The following MBNL1 variants were observed in gnomAD, a reference collection of about 807,000 sequenced individuals.
MBNL1 encodes muscleblind-like protein 1.
In MBNL1, 8 loss-of-function variants were observed where a neutral mutation model predicts 42.2. The ratio of observed to expected loss-of-function variants is 0.19; its 90% CI spans 0.11 to 0.34. The LOEUF is 0.34. Among genes scored for constraint, MBNL1 ranks in the 10% least tolerant of loss-of-function variants. The probability of loss-of-function intolerance (pLI) is 1.00; values close to 1 mark genes in which losing one functional copy is unlikely to be tolerated. For missense variants in MBNL1, 309 were observed against 495.3 expected (o/e 0.62, Z 3.57); for synonymous variants, 169 against 173.9 (o/e 0.97, Z 0.22).
At chr3:152,356,968 C>T (rs541960663) in intron 2 of MBNL1, among the ~76,000 whole-genome samples, 1 of 151,548 alleles carries the variant, frequency 6.6e-6, no homozygotes, top group Non-Finnish European at 1.5e-5. Flanking sequence ...TGTGGTGGGT[C>T]CTGTGGTAGA....
intron 2 of MBNL1, among the ~76,000 whole-genome samples, chr3:152,327,247 T>G (rs1166096697): frequency 6.6e-6 from 1 of 152,186 alleles, no homozygotes; most frequent in Non-Finnish European, 1.5e-5. Flanking sequence ...ATGGTTGAAT[T>G]TATTTACTCA....
intron 2 of MBNL1, among the ~76,000 whole-genome samples, chr3:152,329,681 A>AT (rs35675745): frequency 0.33 from 48,105 of 144,996 alleles, 8,411 homozygotes; most frequent in East Asian, 0.53. Flanking sequence ...TCTTATATAT[A>AT]TATATCTTAT....
chr3:152,317,747 CAAAT>C (rs1020949300), intron 2 of MBNL1, among the ~76,000 whole-genome samples: 4 of 152,150 alleles, frequency 2.6e-5, no homozygotes, highest in Non-Finnish European at 5.9e-5. Context: ...AACCCACAAA[CAAAT>C]GATTCTTCAT....
At chr3:152,386,057 C>G (rs1056520986) in intron 2 of MBNL1, among the ~76,000 whole-genome samples, 1 of 151,716 alleles carries the variant, frequency 6.6e-6, no homozygotes, top group Non-Finnish European at 1.5e-5. Context: ...TTGGGTAGTT[C>G]AAAAGATATT....
intron 2 of MBNL1, chr3:152,340,804 C>T: frequency 1.2e-6 from 2 of 1,614,004 alleles, no homozygotes; most frequent in Middle Eastern, 1.7e-4. Flanking sequence ...CTGGACAGAA[C>T]CTACTTTTGC....
At chr3:152,341,335 A>G (rs976530370) in intron 2 of MBNL1, among the ~76,000 whole-genome samples, 3 of 152,236 alleles carry the variant, frequency 2.0e-5, no homozygotes, top group African/African-American at 7.2e-5. Flanking sequence ...AATGAAACAA[A>G]TATAAGAATG....
chr3:152,263,976 G>A (rs1436738441), upstream of MBNL1: 6 of 151,646 alleles, frequency 4.0e-5, no homozygotes, highest in Admixed American at 3.9e-4. Flanking sequence ...TGCTTTGAAT[G>A]CTCTTTCCCC....
chr3:152,346,984 G>A (rs1446513920), intron 2 of MBNL1, among the ~76,000 whole-genome samples: 1 of 151,438 alleles, frequency 6.6e-6, no homozygotes, highest in African/African-American at 2.4e-5. Flanking sequence ...GTGGAGACAA[G>A]CCTGGGCAAC....
At chr3:152,250,764 G>A (rs1312676763) in intron 2 of MBNL1, among the ~76,000 whole-genome samples, 1 of 151,496 alleles carries the variant, frequency 6.6e-6, no homozygotes. Flanking sequence ...GTTTGTCATA[G>A]ATAGCTCTTA....
intron 2 of MBNL1, among the ~76,000 whole-genome samples, chr3:152,250,561 G>A (rs926224523): frequency 1.3e-5 from 2 of 152,050 alleles, no homozygotes; most frequent in Non-Finnish European, 2.9e-5. Context: ...CAAGTCGTCT[G>A]CAAACAGGGA....
Position 152,297,274 on chromosome 3 carries a change from T to TA in MBNL1, c.-789-2130dup, listed in dbSNP as rs1553786860. Among the ~76,000 whole-genome samples the TA allele has an allele frequency of 4.6e-4, 69 of 149,842 alleles. 1 individual carries two copies. Among genetic ancestry groups the TA allele is most frequent in the South Asian group, 4.4e-3 (21 of 4,774 alleles). On this transcript the variant is annotated intron_variant, in intron 1 of 9. Coordinates refer to ENST00000324210, the MANE Select transcript of MBNL1 (RefSeq NM_021038.5). The stretch of plus-strand genomic sequence containing the variant: ...CCTTTGTTTTTTTTTTTTTTTTTTT[T>TA]ATAGAAACTGGCATTAAGACCTAGG...
Position 152,382,399 on chromosome 3 carries a change from G to A in MBNL1, c.175-32542G>A, listed in dbSNP as rs191566130. ...GGTTGCATAACATTTTTTTTAAAGG[G>A]ACAAAAGCTGGAGAATTCATACGTT... is the stretch of plus-strand genomic sequence containing the variant. On this transcript the variant is annotated intron_variant, in intron 2 of 9. Coordinates refer to ENST00000324210, the MANE Select transcript of MBNL1 (RefSeq NM_021038.5). 3.4e-3 allele frequency among the ~76,000 whole-genome samples: 523 copies of A among 151,968 alleles called. 2 individuals carry two copies. The highest frequency in any genetic ancestry group is 0.012 in the African/African-American group (500 of 41,498).
At chr3:152,379,913 G>A (rs59737186) in intron 2 of MBNL1, among the ~76,000 whole-genome samples, 33,650 of 151,882 alleles carry the variant, frequency 0.22, 3,944 homozygotes, top group South Asian at 0.29. Context: ...TATACTATAA[G>A]GCAATTAAAT....
chr3:152,324,830 T>C (rs2078541209), intron 2 of MBNL1, among the ~76,000 whole-genome samples: 1 of 152,046 alleles, frequency 6.6e-6, no homozygotes, highest in African/African-American at 2.4e-5. Context: ...ACCTTGGGAT[T>C]GATGTGAGGT....
At chr3:152,317,973 A>C (rs1160163888) in intron 2 of MBNL1, among the ~76,000 whole-genome samples, 1 of 152,242 alleles carries the variant, frequency 6.6e-6, no homozygotes, top group Non-Finnish European at 1.5e-5. Flanking sequence ...TAGTTTTGCA[A>C]AATATTAATG....
At chr3:152,319,631 T>C (rs2152367317) in intron 2 of MBNL1, among the ~76,000 whole-genome samples, 1 of 147,194 alleles carries the variant, frequency 6.8e-6, no homozygotes, top group East Asian at 2.0e-4. Flanking sequence ...TTTTTTTTTT[T>C]TTTTTTTTGG....
intron 2 of MBNL1, among the ~76,000 whole-genome samples, chr3:152,304,687 G>A (rs1269893286): frequency 6.6e-6 from 1 of 152,178 alleles, no homozygotes; most frequent in Admixed American, 6.5e-5. Flanking sequence ...AACCTGCGCA[G>A]CAGTATGTTT....
At chr3:152,265,472 T>C (rs391173), upstream of MBNL1, 87,266 of 151,606 alleles carry the variant, frequency 0.58, 26,227 homozygotes, top group Middle Eastern at 0.66. Context: ...TATTGAGCTA[T>C]GAATGTGGTA....
intron 2 of MBNL1, among the ~76,000 whole-genome samples, chr3:152,312,460 A>G (rs938341483): frequency 4.6e-5 from 7 of 152,214 alleles, no homozygotes; most frequent in Non-Finnish European, 4.4e-5. Flanking sequence ...ATTAAAAATG[A>G]ATTTATGTGG....
Sources: gnomAD v4.1 joint callset for allele counts (sites outside exome capture counted in the v4.1 genomes callset) on GRCh38, gnomAD v4.1.1 for gene constraint, MANE v1.5 for transcripts, NCBI Gene and HGNC (gene_info 2026-07-23, HGNC 2026-07-21) for gene names.